PTPN11: variants seen among roughly 807,000 people sequenced by gnomAD.
The protein encoded by PTPN11 is tyrosine-protein phosphatase non-receptor type 11.
Under a neutral mutation model 78.8 loss-of-function variants are expected in PTPN11, and 6 were observed. The observed-to-expected ratio is 0.08, with a 90% CI of 0.04 to 0.15. The LOEUF is 0.15. PTPN11 is among the 10% of genes least tolerant of loss of function. PTPN11 has a pLI of 1.00. For missense variants in PTPN11, 386 were observed against 744.8 expected (o/e 0.52, Z 5.61); for synonymous variants, 221 against 263.5 (o/e 0.84, Z 1.56).
chr12:112,425,577 A>C (rs1754514711), intron 1 of PTPN11, among the ~76,000 whole-genome samples: 2 of 152,220 alleles, frequency 1.3e-5, no homozygotes, highest in Non-Finnish European at 2.9e-5. Flanking sequence ...TTACAAGTGC[A>C]GTTTTATTAC....
At chr12:112,455,475 T>A (rs1400822136) in intron 5 of PTPN11, among the ~76,000 whole-genome samples, 1 of 152,148 alleles carries the variant, frequency 6.6e-6, no homozygotes, top group Non-Finnish European at 1.5e-5. Context: ...CCTCAAGTGA[T>A]CTGCCTGCCT....
intron 7 of PTPN11, among the ~76,000 whole-genome samples, chr12:112,475,332 A>G (rs1050723839): frequency 1.3e-5 from 2 of 151,988 alleles, no homozygotes; most frequent in African/African-American, 4.8e-5. Flanking sequence ...CTCTTTATTT[A>G]TATCCTGTCC....
chr12:112,447,799 C>CTTTT (rs77664062), intron 2 of PTPN11, among the ~76,000 whole-genome samples: 3 of 131,726 alleles, frequency 2.3e-5, no homozygotes, highest in African/African-American at 2.8e-5. Flanking sequence ...CATGCCTGGC[C>CTTTT]TTTTTTTTTT....
At chr12:112,467,222 C>G (rs568074669) in intron 6 of PTPN11, among the ~76,000 whole-genome samples, 57 of 152,266 alleles carry the variant, frequency 3.7e-4, no homozygotes, top group African/African-American at 1.3e-3. Context: ...CAACATGGAT[C>G]AGGACATTGA....
intron 6 of PTPN11, among the ~76,000 whole-genome samples, chr12:112,465,265 C>G (rs2038308859): frequency 6.6e-6 from 1 of 151,836 alleles, no homozygotes; most frequent in African/African-American, 2.4e-5. Flanking sequence ...AACCCTGTTT[C>G]TAGTAAAAAA....
intron 6 of PTPN11, among the ~76,000 whole-genome samples, chr12:112,465,293 G>A (rs2038309553): frequency 6.6e-6 from 1 of 152,026 alleles, no homozygotes; most frequent in Admixed American, 6.6e-5. Context: ...AATTAGCTGG[G>A]TGTGGTGGTG....
intron 6 of PTPN11, among the ~76,000 whole-genome samples, chr12:112,461,379 G>C (rs991013613): frequency 6.6e-6 from 1 of 150,762 alleles, no homozygotes; most frequent in Admixed American, 6.6e-5. Flanking sequence ...TGTTGCTCAG[G>C]CTGGTGTGCA....
At chr12:112,435,192 T>A (rs796096410) in intron 1 of PTPN11, among the ~76,000 whole-genome samples, 7 of 151,342 alleles carry the variant, frequency 4.6e-5, no homozygotes, top group African/African-American at 1.2e-4. Flanking sequence ...ACCAATTTTT[T>A]AATTTTTTGT....
intron 1 of PTPN11, among the ~76,000 whole-genome samples, chr12:112,427,495 G>A (rs892218394): frequency 6.6e-6 from 1 of 151,662 alleles, no homozygotes; most frequent in Admixed American, 6.6e-5. Flanking sequence ...GCAGTGAGCC[G>A]AGACTGTGCC....
chr12:112,454,757 A>G, intron 5 of PTPN11, 77 bp downstream of exon 5: 1 of 972,518 alleles, frequency 1.0e-6, no homozygotes, highest in Non-Finnish European at 1.6e-6. Context: ...GCAAACATAC[A>G]GAGGTAGACA....
intron 10 of PTPN11, among the ~76,000 whole-genome samples, chr12:112,484,877 C>T (rs1365825918): frequency 6.9e-6 from 1 of 145,964 alleles, no homozygotes; most frequent in Non-Finnish European, 1.5e-5. Flanking sequence ...ACAGAGTGCC[C>T]AGTTAAAAAT....
rs121918467 is a variant in PTPN11, at chr12:112,486,482, C to T, written c.1232C>T (p.Thr411Met). 21 of 1,613,772 alleles carry T rather than the reference C, an allele frequency of 1.3e-5. No homozygotes were observed. Among genetic ancestry groups the T allele is most frequent in the African/African-American group, 5.3e-5 (4 of 75,040 alleles). The change falls in exon 11 of 16, where the codon ACG becomes ATG. Residue 411 changes from threonine to methionine, a missense_variant. Around this residue, in one of 3 missense-constraint regions of PTPN11, gnomAD observed 279 missense variants for 503.3 expected, o/e 0.55. Transcript: ENST00000351677. ...TTCTTGGCTCTACTCCAGGGGAATA[C>T]GGAGAGAACGGTCTGGCAATACCAC... ...LKLSKVGQGN[T>M]ERTVWQYHFR...
chr12:112,481,940 C>G, intron 9 of PTPN11, 134 bp from the exon 10 acceptor site: 1 of 947,506 alleles, frequency 1.1e-6, no homozygotes, highest in Non-Finnish European at 1.6e-6. Context: ...TTTCTGAAAA[C>G]CTAACAGATG....
intron 1 of PTPN11, among the ~76,000 whole-genome samples, chr12:112,420,414 C>G (rs948130515): frequency 9.9e-5 from 15 of 151,664 alleles, no homozygotes; most frequent in African/African-American, 3.4e-4. Flanking sequence ...GGCGCAATCT[C>G]GGCTCACCAC....
At chr12:112,497,340 T>G (rs2038826483) in intron 13 of PTPN11, among the ~76,000 whole-genome samples, 1 of 152,192 alleles carries the variant, frequency 6.6e-6, no homozygotes, top group Admixed American at 6.5e-5. Flanking sequence ...TTATTCTTTT[T>G]TGTTTGGTGT....
intron 5 of PTPN11, among the ~76,000 whole-genome samples, chr12:112,455,527 A>G (rs1016699935): frequency 3.0e-4 from 46 of 152,236 alleles, no homozygotes; most frequent in African/African-American, 1.0e-3. Context: ...GAGCCACTGC[A>G]TCTGGCCTAA....
At chr12:112,463,028 A>G (rs1053075033) in intron 6 of PTPN11, among the ~76,000 whole-genome samples, 2 of 152,148 alleles carry the variant, frequency 1.3e-5, no homozygotes, top group Non-Finnish European at 2.9e-5. Context: ...TTAGCATAAC[A>G]TTTGCAAGCT....
intron 1 of PTPN11, among the ~76,000 whole-genome samples, chr12:112,435,831 T>G (rs1345864527): frequency 2.0e-5 from 3 of 151,922 alleles, no homozygotes; most frequent in Non-Finnish European, 4.4e-5. Flanking sequence ...ATACCAAACA[T>G]GAGCTGTCAG....
intron 11 of PTPN11, 74 bp from the exon 12 acceptor site, chr12:112,488,369 T>C (rs1284741322): frequency 5.9e-6 from 7 of 1,189,058 alleles, no homozygotes; most frequent in Non-Finnish European, 6.3e-6. Context: ...CTGTTGATAT[T>C]AATGGCTTGG....
Sources: gnomAD v4.1 joint callset for allele counts (sites outside exome capture counted in the v4.1 genomes callset) on GRCh38, gnomAD v4.1.1 for gene constraint, gnomAD v4.1.1 regional missense constraint, MANE v1.5 for transcripts, NCBI Gene and HGNC (gene_info 2026-07-23, HGNC 2026-07-21) for gene names.